ZNF385D: variants seen among roughly 807,000 people sequenced by gnomAD.
The protein encoded by ZNF385D is zinc finger protein 385D.
A neutral mutation model predicts 35.8 loss-of-function variants in ZNF385D; 15 were observed. That is an observed-to-expected ratio of 0.42 (90% CI 0.28 to 0.64). The LOEUF is 0.64. ZNF385D is among the 30% of genes least tolerant of loss of function. ZNF385D has a pLI of 0.23. For synonymous variants in ZNF385D, 212 were observed against 186.8 expected, an observed-to-expected ratio of 1.13 and a Z score of -1.10; for missense variants, 474 against 494.6, an observed-to-expected ratio of 0.96 and a Z score of 0.39.
intron 1 of ZNF385D, 39 bp downstream of exon 1, chr3:21,750,856 G>A: frequency 6.2e-7 from 1 of 1,612,056 alleles, no homozygotes; most frequent in Non-Finnish European, 8.5e-7. Context: ...ATGAAGAGCC[G>A]GACACCCCCA....
intron 1 of ZNF385D, among the ~76,000 whole-genome samples, chr3:21,688,347 G>T (rs556095339): frequency 6.6e-6 from 1 of 151,606 alleles, no homozygotes; most frequent in African/African-American, 2.4e-5. Flanking sequence ...GGTCATTATT[G>T]GTATGTCCAG....
At chr3:21,711,003 A>G (rs1406942459) in intron 1 of ZNF385D, among the ~76,000 whole-genome samples, 1 of 138,814 alleles carries the variant, frequency 7.2e-6, no homozygotes, top group Non-Finnish European at 1.5e-5. Context: ...AGCAACTTAA[A>G]CCTCTCTAGG....
At chr3:21,975,139 C>T (rs939854754) in intron 3 of ZNF385D, among the ~76,000 whole-genome samples, 6 of 152,234 alleles carry the variant, frequency 3.9e-5, no homozygotes, top group Middle Eastern at 3.4e-3. Context: ...GGCAGCACTG[C>T]TCTGCCAAGA....
At chr3:22,320,379 G>T (rs117140654) in intron 2 of ZNF385D, among the ~76,000 whole-genome samples, 1 of 151,834 alleles carries the variant, frequency 6.6e-6, no homozygotes, top group East Asian at 1.9e-4. Flanking sequence ...CTTACATAAA[G>T]GATCATTTCC....
At position 22,223,195 on chromosome 3, in the gene ZNF385D, G is replaced by A. The variant is rs188577408; in HGVS notation, c.107-54160C>T. ...TTATTTAGGCTTTAATTATAAATGT[G>A]TTCAGCTCATCTTAAATCAAAGAAA... is the stretch of plus-strand genomic sequence containing the variant. On this transcript the variant is annotated intron_variant, in intron 2 of 5. Transcript: ENST00000494108. Among the ~76,000 whole-genome samples the A allele has an allele frequency of 1.2e-3, 186 of 152,096 alleles. 1 individual carries two copies. Among genetic ancestry groups the A allele is most frequent in the African/African-American group, 4.2e-3 (176 of 41,516 alleles).
At chr3:21,767,214 C>T (rs1269745904) in intron 3 of ZNF385D, among the ~76,000 whole-genome samples, 1 of 152,010 alleles carries the variant, frequency 6.6e-6, no homozygotes, top group East Asian at 1.9e-4. Flanking sequence ...GAGATAGCCA[C>T]CTTTAAACAA....
At chr3:21,602,619 G>C (rs566063115) in intron 2 of ZNF385D, among the ~76,000 whole-genome samples, 12 of 139,846 alleles carry the variant, frequency 8.6e-5, no homozygotes, top group African/African-American at 2.5e-4. Context: ...TGCAAGCTCC[G>C]CTTCCCGGGT....
In ZNF385D at chr3:21,425,757, T is replaced by C. The variant is rs769155425; in HGVS notation, c.674-87A>G. 40 of 1,256,974 alleles carry C rather than the reference T, an allele frequency of 3.2e-5. 1 individual carries two copies. The Middle Eastern group carries it at 6.6e-4, about 21-fold the overall frequency. 77.9% of individuals were successfully genotyped at this position (1,256,974 alleles called of 1,614,324 possible). A position where few individuals can be genotyped will look rare whatever the true frequency, so the allele number is the denominator to read the frequency against. On this transcript the variant is annotated intron_variant, in intron 5 of 7. Coordinates refer to ENST00000281523, the MANE Select transcript of ZNF385D (RefSeq NM_024697.3). ...AGGTGGGATGGGAGGAAAAAAATCT[T>C]AGCTAGTATATACCTTTAAGAAACA...
chr3:21,794,376 G>A (rs1011223019), intron 3 of ZNF385D, among the ~76,000 whole-genome samples: 2 of 152,078 alleles, frequency 1.3e-5, no homozygotes, highest in African/African-American at 4.8e-5. Context: ...TTGAAAGCTA[G>A]AGTTGCCAGA....
At chr3:21,574,677 G>T (rs1045202852) in intron 2 of ZNF385D, among the ~76,000 whole-genome samples, 8 of 152,054 alleles carry the variant, frequency 5.3e-5, no homozygotes, top group African/African-American at 1.9e-4. Flanking sequence ...GAGGATTTAG[G>T]GGGTAACTGG....
At chr3:21,744,072 A>C (rs1263867094) in intron 1 of ZNF385D, among the ~76,000 whole-genome samples, 1 of 152,134 alleles carries the variant, frequency 6.6e-6, no homozygotes, top group Non-Finnish European at 1.5e-5. Flanking sequence ...GCACTGAAGT[A>C]AGTCTCAGAA....
At chr3:21,828,320 T>C (rs1260947451) in intron 3 of ZNF385D, among the ~76,000 whole-genome samples, 2 of 152,222 alleles carry the variant, frequency 1.3e-5, no homozygotes, top group African/African-American at 4.8e-5. Context: ...TAGGTGTTCA[T>C]AGCTTTCAGT....
chr3:21,868,015 G>T (rs1316084445), intron 3 of ZNF385D, among the ~76,000 whole-genome samples: 1 of 152,096 alleles, frequency 6.6e-6, no homozygotes, highest in South Asian at 2.1e-4. Context: ...AAACTGGCCT[G>T]CAATAGTAAC....
chr3:21,466,768 TCTC>T (rs1257466331), intron 4 of ZNF385D, among the ~76,000 whole-genome samples: 2 of 152,202 alleles, frequency 1.3e-5, no homozygotes, highest in East Asian at 1.9e-4. Context: ...TACACGCTCT[TCTC>T]CTCCCTGCCT....
At chr3:21,694,326 C>T (rs553340417) in intron 1 of ZNF385D, among the ~76,000 whole-genome samples, 29 of 152,068 alleles carry the variant, frequency 1.9e-4, no homozygotes, top group Middle Eastern at 3.4e-3. Flanking sequence ...TGAGCCACCG[C>T]GCCCAGCCTA....
intron 2 of ZNF385D, among the ~76,000 whole-genome samples, chr3:21,589,789 G>C (rs2063916040): frequency 6.6e-6 from 1 of 151,744 alleles, no homozygotes; most frequent in South Asian, 2.1e-4. Context: ...ATTACTTTTG[G>C]ATTCTACTTT....
Position 22,262,809 on chromosome 3 carries a change from C to G in ZNF385D, c.107-93774G>C, listed in dbSNP as rs114921341. Among the ~76,000 whole-genome samples the G allele has an allele frequency of 4.0e-3, 604 of 151,942 alleles. 4 individuals carry two copies. The highest frequency in any genetic ancestry group is 0.014 in the African/African-American group (562 of 41,484). ...AAAATTAACTGCTTATCCTCAACATCCTCACGATTTGCCATTCCATGTGGT... is the reference window on the plus strand; with the variant it reads ...AAAATTAACTGCTTATCCTCAACATGCTCACGATTTGCCATTCCATGTGGT... On this transcript the variant is annotated intron_variant, in intron 2 of 5. Transcript: ENST00000494108.
intron 6 of ZNF385D, among the ~76,000 whole-genome samples, chr3:21,424,595 G>T (rs1234645545): frequency 6.7e-6 from 1 of 149,782 alleles, no homozygotes; most frequent in East Asian, 2.0e-4. Flanking sequence ...TTACAGGCGT[G>T]AGCCACTGCG....
intron 2 of ZNF385D, among the ~76,000 whole-genome samples, chr3:21,651,392 T>G (rs2065909622): frequency 6.6e-6 from 1 of 152,080 alleles, no homozygotes; most frequent in Non-Finnish European, 1.5e-5. Context: ...TTTTAATTAT[T>G]TTCATTCAGC....
Sources: allele counts gnomAD v4.1 joint callset (sites outside exome capture counted in the v4.1 genomes callset), GRCh38; gene constraint gnomAD v4.1.1; transcripts MANE v1.5; gene names NCBI Gene and HGNC (gene_info 2026-07-23, HGNC 2026-07-21).